The following RHBDD1 variants were observed in gnomAD, a reference collection of about 807,000 sequenced individuals.
RHBDD1 encodes rhomboid-related protein 4.
In RHBDD1, 38 loss-of-function variants were observed where a neutral mutation model predicts 36.3. The observed-to-expected ratio is 1.05, with a 90% CI of 0.81 to 1.37. RHBDD1 has a LOEUF of 1.37. Ranked by LOEUF, RHBDD1 falls within the 40% of genes most tolerant of loss-of-function variation. The pLI, the probability that RHBDD1 is intolerant of heterozygous loss-of-function variation, is 0.00. For synonymous variants in RHBDD1, 151 were observed against 136.5 expected (o/e 1.11, Z -0.74); for missense variants, 393 against 377.6 (o/e 1.04, Z -0.34).
chr2:226,987,641 C>T (rs1189558708), intron 8 of RHBDD1, among the ~76,000 whole-genome samples: 1 of 152,228 alleles, frequency 6.6e-6, no homozygotes, highest in Non-Finnish European at 1.5e-5. Context: ...GTCCAGGCCC[C>T]CCTCTGGGTA....
At chr2:226,822,633 CAAAAAAAAA>C in the RHBDD1 span, among the ~76,000 whole-genome samples, 1 of 71,656 alleles carries the variant, frequency 1.4e-5, no homozygotes, top group Non-Finnish European at 3.4e-5. Context: ...TATTTTGTCT[CAAAAAAAAA>C]AAAAAAAAAA....
At chr2:226,859,743 G>A (rs1015821836) in intron 3 of RHBDD1, among the ~76,000 whole-genome samples, 10 of 152,158 alleles carry the variant, frequency 6.6e-5, no homozygotes, top group Non-Finnish European at 1.2e-4. Flanking sequence ...CCATAGTGGC[G>A]GGCAGGGAAC....
intron 8 of RHBDD1, among the ~76,000 whole-genome samples, chr2:226,937,704 T>C (rs1188402033): frequency 6.6e-6 from 1 of 152,190 alleles, no homozygotes; most frequent in Non-Finnish European, 1.5e-5. Flanking sequence ...TTAAGTTTTC[T>C]GTTCCTGCGT....
intron 5 of RHBDD1, among the ~76,000 whole-genome samples, chr2:226,898,219 A>G (rs1157743377): frequency 6.6e-6 from 1 of 152,110 alleles, no homozygotes; most frequent in Non-Finnish European, 1.5e-5. Flanking sequence ...AATGCGACCT[A>G]CTTGAACCAG....
chr2:226,937,052 G>A (rs1950377052), intron 8 of RHBDD1, among the ~76,000 whole-genome samples: 1 of 152,118 alleles, frequency 6.6e-6, no homozygotes, highest in South Asian at 2.1e-4. Context: ...CAGTGATTTA[G>A]ATACTCAAGT....
chr2:226,914,446 AGTTC>A, intron 8 of RHBDD1, 95 bp downstream of exon 8: 2 of 1,381,466 alleles, frequency 1.4e-6, no homozygotes, highest in Admixed American at 5.2e-5. Context: ...AATTTTAAAC[AGTTC>A]AGAAAAAGGA....
At chr2:226,924,726 G>A (rs911162810) in intron 8 of RHBDD1, among the ~76,000 whole-genome samples, 2 of 152,190 alleles carry the variant, frequency 1.3e-5, no homozygotes, top group Admixed American at 1.3e-4. Flanking sequence ...TGGCCTAGGC[G>A]GGTCTAAATG....
intron 8 of RHBDD1, among the ~76,000 whole-genome samples, chr2:226,964,922 A>T (rs73992280): frequency 0.022 from 3,365 of 152,246 alleles, 131 homozygotes; most frequent in African/African-American, 0.076. Flanking sequence ...ACCCCATTAG[A>T]GGGTTTTGCT....
intron 5 of RHBDD1, among the ~76,000 whole-genome samples, chr2:226,905,806 G>A (rs1365372848): frequency 6.6e-6 from 1 of 152,188 alleles, no homozygotes; most frequent in Non-Finnish European, 1.5e-5. Context: ...TGGGAAGGCT[G>A]GGAGGGGTAT....
At chr2:226,825,031 T>C in the RHBDD1 span, among the ~76,000 whole-genome samples, 1 of 152,222 alleles carries the variant, frequency 6.6e-6, no homozygotes, top group East Asian at 1.9e-4. Flanking sequence ...TTGATGCAAG[T>C]TCATTTTTGG....
intron 5 of RHBDD1, among the ~76,000 whole-genome samples, chr2:226,892,350 T>G (rs1946755271): frequency 6.6e-6 from 1 of 152,186 alleles, no homozygotes; most frequent in African/African-American, 2.4e-5. Context: ...AGAATTTACT[T>G]TTTCTGAAAT....
intron 8 of RHBDD1, among the ~76,000 whole-genome samples, chr2:226,968,117 G>A (rs1952787198): frequency 6.6e-6 from 1 of 152,116 alleles, no homozygotes; most frequent in Admixed American, 6.6e-5. Context: ...TACAAAGATA[G>A]GAGACATGAG....
At chr2:226,962,621 A>G (rs951378013) in intron 8 of RHBDD1, among the ~76,000 whole-genome samples, 5 of 152,222 alleles carry the variant, frequency 3.3e-5, no homozygotes, top group Non-Finnish European at 5.9e-5. Context: ...TGTGGCTGCA[A>G]TTTAATTTTC....
rs1218595803 is a variant in RHBDD1, at chr2:226,908,637, G to GTA, written c.656-185_656-184insTA. The GTA allele has an allele frequency of 5.9e-6, 3 of 512,598 alleles. No individual in the cohort carries two copies. The Admixed American group carries it at 1.1e-4, about 18-fold the overall frequency. 31.8% of individuals were successfully genotyped at this position (512,598 alleles called of 1,614,324 possible). A position where few individuals can be genotyped will look rare whatever the true frequency, so the allele number is the denominator to read the frequency against. On this transcript the variant is annotated intron_variant, in intron 6 of 8. Transcript: ENST00000392062. ...CACACACACATTCTTTTCCCTGTAG[G>GTA]GACACACACACACTCTTTTCCAGTT... is the stretch of plus-strand genomic sequence containing the variant.
intron 3 of RHBDD1, among the ~76,000 whole-genome samples, chr2:226,840,364 T>C (rs114753660): frequency 0.011 from 1,628 of 152,304 alleles, 27 homozygotes; most frequent in South Asian, 0.043. Context: ...GTTGGGGTTA[T>C]TTACCATCTA....
intron 8 of RHBDD1, among the ~76,000 whole-genome samples, chr2:226,962,430 T>A (rs1952278463): frequency 6.6e-6 from 1 of 152,234 alleles, no homozygotes; most frequent in Non-Finnish European, 1.5e-5. Flanking sequence ...TACAAGTAAT[T>A]AGCCCTGACA....
intron 8 of RHBDD1, among the ~76,000 whole-genome samples, chr2:226,917,084 A>G (rs1948958784): frequency 6.6e-6 from 1 of 152,106 alleles, no homozygotes; most frequent in Non-Finnish European, 1.5e-5. Flanking sequence ...TGTTTCCTTA[A>G]TGAAGAATAT....
intron 8 of RHBDD1, among the ~76,000 whole-genome samples, chr2:226,984,697 G>A (rs1469416210): frequency 2.0e-5 from 3 of 152,142 alleles, no homozygotes; most frequent in Admixed American, 2.0e-4. Flanking sequence ...AGGAACCACT[G>A]GTGCTGGAGA....
intron 7 of RHBDD1, among the ~76,000 whole-genome samples, chr2:226,913,648 T>G (rs1948682192): frequency 6.6e-6 from 1 of 152,232 alleles, no homozygotes. Context: ...CTCTTCTTTC[T>G]TGTTTTATCT....
Sources: allele counts gnomAD v4.1 joint callset (sites outside exome capture counted in the v4.1 genomes callset), GRCh38; gene constraint gnomAD v4.1.1; transcripts MANE v1.5; gene names NCBI Gene and HGNC (gene_info 2026-07-23, HGNC 2026-07-21).